Variants in CTDSP1 observed in about 807,000 individuals in gnomAD.
CTDSP1 encodes CTD small phosphatase 1.
CTDSP1 carries 15 observed loss-of-function variants against 32.5 expected under a neutral mutation model. That is an observed-to-expected ratio of 0.46 (90% CI 0.31 to 0.71). CTDSP1 has a LOEUF of 0.71. CTDSP1 is among the 30% of genes least tolerant of loss of function. The pLI is 0.05. For missense variants in CTDSP1, 294 were observed against 351.1 expected (o/e 0.84, Z 1.30); for synonymous variants, 185 against 145.4 (o/e 1.27, Z -1.96).
chr2:218,404,564 C>G lies in CTDSP1; in HGVS notation c.*139C>G. 6.6e-6 allele frequency: 7 copies of G among 1,056,122 alleles called. No homozygotes were observed. Among genetic ancestry groups the G allele is most frequent in the Non-Finnish European group, 8.2e-6 (6 of 735,586 alleles). The allele number at this position is 1,056,122 out of a possible 1,614,324, so 65.4% of individuals were successfully genotyped here. A position where few individuals can be genotyped will look rare whatever the true frequency, so the allele number is the denominator to read the frequency against. On this transcript the variant is annotated 3_prime_UTR_variant, in exon 7 of 7. Coordinates refer to ENST00000273062, the MANE Select transcript of CTDSP1 (RefSeq NM_021198.3). ...CATGGGGAAGCGGGCGTCTCCCCCACCAGCCCCACCAGGCGGTGTAGGGGC... is the reference window on the plus strand; with the variant it reads ...CATGGGGAAGCGGGCGTCTCCCCCAGCAGCCCCACCAGGCGGTGTAGGGGC...
At position 218,402,051 on chromosome 2, in the gene CTDSP1, C is replaced by T. The variant is rs548183379; in HGVS notation, c.217-60C>T. On this transcript the variant is annotated intron_variant, in intron 2 of 6. Coordinates refer to ENST00000273062, the MANE Select transcript of CTDSP1 (RefSeq NM_021198.3). ...GGAGACGGCTAGGGGGAGAAGCCTG[C>T]GTGGGAGGAAGGACCAGGCCCGGAG... 35 of 1,164,860 alleles carry T rather than the reference C, an allele frequency of 3.0e-5. No homozygotes were observed. The African/African-American group carries it at 3.5e-4, about 12-fold the overall frequency. 72.2% of individuals were successfully genotyped at this position (1,164,860 alleles called of 1,614,324 possible).
intron 6 of CTDSP1, chr2:218,403,811 A>G: frequency 5.3e-6 from 1 of 189,746 alleles, no homozygotes; most frequent in Non-Finnish European, 1.1e-5. Flanking sequence ...CTGTAATCCC[A>G]GCACTTTGGG....
At chr2:218,400,217 G>C in intron 1 of CTDSP1, 60 bp downstream of exon 1, 1 of 1,465,756 alleles carries the variant, frequency 6.8e-7, no homozygotes, top group Non-Finnish European at 9.2e-7. Flanking sequence ...AGAAGGGGCC[G>C]GGATCTTCCC....
Position 218,400,067 on chromosome 2 carries a change from C to T in CTDSP1, c.-24C>T. ...GCCGGGCGCCCGGGCCAGAGTCCGG[C>T]CGGAGCGGAGCGCGCCCGGCCCCAT... On this transcript the variant is annotated 5_prime_UTR_variant, in exon 1 of 7. Transcript: ENST00000273062. The T allele has an allele frequency of 7.1e-7, 1 of 1,407,940 alleles. No homozygotes were observed. Among genetic ancestry groups the T allele is most frequent in the African/African-American group, 1.5e-5 (1 of 65,604 alleles). The allele number at this position is 1,407,940 out of a possible 1,614,324, so 87.2% of individuals were successfully genotyped here.
chr2:218,399,948 C>T lies in CTDSP1; in HGVS notation c.-143C>T, dbSNP rs1263839959. 8.9e-7 allele frequency: 1 copy of T among 1,117,646 alleles called. No individual in the cohort carries two copies. The highest frequency in any genetic ancestry group is 1.7e-5 in the African/African-American group (1 of 59,664). 69.2% of individuals were successfully genotyped at this position (1,117,646 alleles called of 1,614,324 possible). A position where few individuals can be genotyped will look rare whatever the true frequency, so the allele number is the denominator to read the frequency against. On this transcript the variant is annotated 5_prime_UTR_variant, in exon 1 of 7. Transcript: ENST00000273062. ...CCTCCCTCCCCCTCCCCCCTAGAAC[C>T]TGGCTCCCCTCCCCTCCGGAGCTCG... is the stretch of plus-strand genomic sequence containing the variant.
chr2:218,398,346 G>C (rs1384671334), upstream of CTDSP1: 38 of 1,421,694 alleles, frequency 2.7e-5, 1 homozygote, highest in Non-Finnish European at 3.4e-5. Context: ...AATGAGATTA[G>C]GGGGCGCAGC....
rs773552432 is a variant in CTDSP1 at position 218,404,345 on chromosome 2, G to C, written c.706G>C (p.Asp236His). 1.2e-6 allele frequency: 2 copies of C among 1,614,132 alleles called. No homozygotes were observed. The highest frequency in any genetic ancestry group is 1.7e-5 in the Admixed American group (1 of 60,006). ...FDNMSDTELH[D>H]LLPFFEQLSR... is the part of the protein sequence containing the mutation. ...CAACATGAGTGACACAGAGCTCCACGACCTCCTCCCCTTCTTCGAGCAACT... is the reference window on the plus strand; with the variant it reads ...CAACATGAGTGACACAGAGCTCCACCACCTCCTCCCCTTCTTCGAGCAACT... The change falls in exon 7 of 7, where the codon GAC becomes CAC. Residue 236 changes from aspartate to histidine, a missense_variant. Coordinates refer to ENST00000273062, the MANE Select transcript of CTDSP1 (RefSeq NM_021198.3).
At chr2:218,398,368 TAGGAAAACGCC>T, upstream of CTDSP1, 1 of 1,523,902 alleles carries the variant, frequency 6.6e-7, no homozygotes, top group Admixed American at 2.0e-5. Flanking sequence ...AGAGCAGGCC[TAGGAAAACGCC>T]AGCAGCGTGT....
At position 218,399,904 on chromosome 2, in the gene CTDSP1, CAA is replaced by C. The variant is rs1203349871; in HGVS notation, c.-185_-184del. 1.6e-6 allele frequency: 2 copies of C among 1,267,312 alleles called. No individual in the cohort carries two copies. Among genetic ancestry groups the C allele is most frequent in the African/African-American group, 1.6e-5 (1 of 63,798 alleles). 78.5% of individuals were successfully genotyped at this position (1,267,312 alleles called of 1,614,324 possible). On this transcript the variant is annotated 5_prime_UTR_variant, in exon 1 of 7. Coordinates refer to ENST00000273062, the MANE Select transcript of CTDSP1 (RefSeq NM_021198.3). ...GCGGGAAGGAAACTCCATGTTGTAA[CAA>C]AGTTTCCTCCGCGCCCCCTCCCTCC...
At position 218,404,545 on chromosome 2, in the gene CTDSP1, G is replaced by GA. The variant is rs1189087370; in HGVS notation, c.*122dup. ...CCGCCGCCACACTCAGTGCCATGGG[G>GA]AAGCGGGCGTCTCCCCCACCAGCCC... On this transcript the variant is annotated 3_prime_UTR_variant, in exon 7 of 7. Transcript: ENST00000273062. 8 of 1,307,720 alleles carry GA rather than the reference G, an allele frequency of 6.1e-6. No homozygotes were observed. The highest frequency in any genetic ancestry group is 2.1e-5 in the Admixed American group (1 of 47,886). 81.0% of individuals were successfully genotyped at this position (1,307,720 alleles called of 1,614,324 possible).
intron 1 of CTDSP1, chr2:218,401,161 A>C: frequency 2.8e-6 from 1 of 361,874 alleles, no homozygotes; most frequent in Non-Finnish European, 5.5e-6. Context: ...GAGGGAGGGC[A>C]GGGGTGGACT....
At chr2:218,397,917 G>T (rs1696904029), upstream of CTDSP1, among the ~76,000 whole-genome samples, 1 of 152,214 alleles carries the variant, frequency 6.6e-6, no homozygotes, top group African/African-American at 2.4e-5. Flanking sequence ...AGAACTGCAC[G>T]GGCAACGGCT....
Position 218,405,240 on chromosome 2 carries a change from C to G in CTDSP1, c.*815C>G, listed in dbSNP as rs933963949. 1 of 152,724 alleles carries G rather than the reference C, an allele frequency of 6.5e-6. No individual in the cohort carries two copies. Among genetic ancestry groups the G allele is most frequent in the Non-Finnish European group, 1.5e-5 (1 of 68,058 alleles). 9.5% of individuals were successfully genotyped at this position (152,724 alleles called of 1,614,324 possible). ...AGAGGGAAGGGTCAGGGTAGAGACACCCCTCCCTTGCCCCTTTCCTGGGCC... is the reference window on the plus strand; with the variant it reads ...AGAGGGAAGGGTCAGGGTAGAGACAGCCCTCCCTTGCCCCTTTCCTGGGCC... On this transcript the variant is annotated 3_prime_UTR_variant, in exon 7 of 7. Coordinates refer to ENST00000273062, the MANE Select transcript of CTDSP1 (RefSeq NM_021198.3).
At chr2:218,397,249 G>A (rs1025401625), upstream of CTDSP1, among the ~76,000 whole-genome samples, 3 of 152,194 alleles carry the variant, frequency 2.0e-5, no homozygotes, top group African/African-American at 7.2e-5. Flanking sequence ...TCGCGCCAAG[G>A]TCAGTCATTT....
chr2:218,402,185 G>C lies in CTDSP1; in HGVS notation c.291G>C (p.Leu97=). 1.2e-6 allele frequency: 2 copies of C among 1,613,730 alleles called. No homozygotes were observed. The highest frequency in any genetic ancestry group is 1.7e-6 in the Non-Finnish European group (2 of 1,179,934). The change falls in exon 3 of 7, where the codon CTG becomes CTC. Residue 97 remains leucine, a synonymous_variant. Transcript: ENST00000273062. ...DSDKICVVID[L]DETLVHSSFK... ...ACAAGATCTGCGTGGTCATCGACCT[G>C]GACGAGACCCTGGTGCACAGCTCCT...
At chr2:218,398,480 G>A (rs1479811342), upstream of CTDSP1, 23 of 1,523,942 alleles carry the variant, frequency 1.5e-5, no homozygotes, top group Non-Finnish European at 1.9e-5. Context: ...GGGGACCGGG[G>A]TATCAGTCCC....
intron 1 of CTDSP1, chr2:218,401,342 A>G (rs1697126725): frequency 5.1e-6 from 3 of 589,664 alleles, no homozygotes; most frequent in Middle Eastern, 4.5e-4. Context: ...TGGGCGCCTT[A>G]ATACCTGCTA....
chr2:218,403,517 T>G, intron 6 of CTDSP1, 100 bp downstream of exon 6: 1 of 1,128,342 alleles, frequency 8.9e-7, no homozygotes, highest in Non-Finnish European at 1.2e-6. Flanking sequence ...AGTTGGGGGG[T>G]GGGTGCCCTC....
upstream of CTDSP1, among the ~76,000 whole-genome samples, chr2:218,397,747 A>G (rs1300909280): frequency 6.6e-6 from 1 of 152,102 alleles, no homozygotes; most frequent in African/African-American, 2.4e-5. Context: ...AGGACACTCG[A>G]AGGACCCCCC....
Sources: gnomAD v4.1 joint callset for allele counts (sites outside exome capture counted in the v4.1 genomes callset) on GRCh38, gnomAD v4.1.1 for gene constraint, MANE v1.5 for transcripts, NCBI Gene and HGNC (gene_info 2026-07-23, HGNC 2026-07-21) for gene names.